CLCN7: variants seen among roughly 807,000 people sequenced by gnomAD.
The protein encoded by CLCN7 is H(+)/Cl(-) exchange transporter 7.
CLCN7 carries 60 observed loss-of-function variants against 102.1 expected under a neutral mutation model. That is an observed-to-expected ratio of 0.59 (90% CI 0.48 to 0.73). The LOEUF is 0.73. Ranked by LOEUF, CLCN7 falls within the 30% of genes least tolerant of loss-of-function variation. The pLI is 0.00. For missense variants in CLCN7, 962 were observed against 1,125.7 expected, an observed-to-expected ratio of 0.85 and a Z score of 2.08; for synonymous variants, 560 against 490.5, an observed-to-expected ratio of 1.14 and a Z score of -1.87.
chr16:1,447,242 C>A, intron 23 of CLCN7, 150 bp downstream of exon 23: 1 of 1,160,022 alleles, frequency 8.6e-7, no homozygotes, highest in East Asian at 2.6e-5. Flanking sequence ...TTGACTTCAG[C>A]TCTAAAGCCT....
At chr16:1,453,495 G>A (rs1204468043) in intron 14 of CLCN7, among the ~76,000 whole-genome samples, 2 of 152,240 alleles carry the variant, frequency 1.3e-5, no homozygotes, top group Non-Finnish European at 2.9e-5. Flanking sequence ...GGGGGCCCCG[G>A]TGTCCCAGGA....
Position 1,447,037 on chromosome 16 carries a change from C to T in CLCN7, c.2300G>A (p.Arg767Gln), listed in dbSNP as rs772579858. ...GCGGTTGTCCACCACCACCAGGTGC[C>T]GCAGGCCCAGGGCCCGGAACAGCTT... ...VFKLFRALGL[R>Q]HLVVVDNRNQ... Residue 767 changes from arginine to glutamine, a missense_variant, in exon 24 of 25, where the codon CGG becomes CAG. Arg to Gln is a conservative substitution (Grantham distance 43, BLOSUM62 1). This residue lies in a region of CLCN7 where 799 missense variants were observed against 988.0 expected (regional missense o/e 0.81). Coordinates refer to ENST00000382745, the MANE Select transcript of CLCN7 (RefSeq NM_001287.6). 7 of 1,602,092 alleles carry T rather than the reference C, an allele frequency of 4.4e-6. No individual in the cohort carries two copies. The highest frequency in any genetic ancestry group is 5.1e-6 in the Non-Finnish European group (6 of 1,177,872).
intron 7 of CLCN7, among the ~76,000 whole-genome samples, chr16:1,458,244 G>C (rs986701233): frequency 6.6e-6 from 1 of 152,326 alleles, no homozygotes; most frequent in South Asian, 2.1e-4. Flanking sequence ...AGGTGTGTAA[G>C]GTGTTTATCA....
At chr16:1,455,513 C>A in intron 11 of CLCN7, 1 of 666,320 alleles carries the variant, frequency 1.5e-6, no homozygotes. Flanking sequence ...GATCCCCTAC[C>A]CGGGAGCCAC....
At position 1,447,439 on chromosome 16, in the gene CLCN7, T is replaced by C. The variant is rs1197871022; in HGVS notation, c.2203A>G (p.Met735Val). 1.3e-6 allele frequency: 2 copies of C among 1,552,016 alleles called. No individual in the cohort carries two copies. The highest frequency in any genetic ancestry group is 1.7e-6 in the Non-Finnish European group (2 of 1,147,954). Residue 735 changes from methionine to valine, a missense_variant, in exon 23 of 25, where the codon ATG becomes GTG. Met to Val is a conservative substitution (Grantham distance 21). Around this residue, in one of 2 missense-constraint regions of CLCN7, gnomAD observed 799 missense variants for 988.0 expected, o/e 0.81. Transcript: ENST00000382745. ...GGGTTCATGAACTCGGAGAGGTCCA[T>C]GGTGCACTCCCGCTCGTCCTGGGAC... ...HVSQDERECT[M>V]DLSEFMNPSP...
chr16:1,456,133 G>A lies in CLCN7; in HGVS notation c.896C>T (p.Ala299Val), dbSNP rs977932714. 4 of 1,560,792 alleles carry A rather than the reference G, an allele frequency of 2.6e-6. No individual in the cohort carries two copies. The highest frequency in any genetic ancestry group is 1.9e-5 in the Admixed American group (1 of 53,056). ...VSAGAAAGVS[A>V]AFGAPVGGVL... The stretch of plus-strand genomic sequence containing the variant: ...CTCACCCACGGGGGCTCCAAACGCC[G>A]CTGACACTCCGGCCGCAGCCCCTGC... The change falls in exon 10 of 25, where the codon GCG becomes GTG. Residue 299 changes from alanine to valine, a missense_variant. Physicochemically the swap from Ala to Val is moderately conservative, Grantham distance 64. Around this residue, in one of 2 missense-constraint regions of CLCN7, gnomAD observed 799 missense variants for 988.0 expected, o/e 0.81. Transcript: ENST00000382745.
chr16:1,447,586 C>A lies in CLCN7; in HGVS notation c.2074-18G>T. 6.4e-7 allele frequency: 1 copy of A among 1,553,038 alleles called. No individual in the cohort carries two copies. The highest frequency in any genetic ancestry group is 2.4e-5 in the East Asian group (1 of 41,116). Reference sequence around the variant, plus strand: ...ACAAACACCTGCGGGCGGCAGAGCCCTGTGTCAGGCACCCAGGCAGCACCC... The same window carrying A: ...ACAAACACCTGCGGGCGGCAGAGCCATGTGTCAGGCACCCAGGCAGCACCC... On this transcript the variant is annotated intron_variant, in intron 22 of 24. Coordinates refer to ENST00000382745, the MANE Select transcript of CLCN7 (RefSeq NM_001287.6).
intron 17 of CLCN7, chr16:1,449,936 G>A (rs1355078671): frequency 2.3e-5 from 4 of 177,332 alleles, no homozygotes; most frequent in Non-Finnish European, 4.8e-5. Context: ...TGGGGAGCAG[G>A]AGTGGGCGCT....
chr16:1,446,862 G>A, intron 24 of CLCN7, 144 bp downstream of exon 24: 2 of 1,103,098 alleles, frequency 1.8e-6, no homozygotes, highest in Non-Finnish European at 2.7e-6. Flanking sequence ...CGGGGCTGGG[G>A]AGGGGTGCAG....
chr16:1,471,255 G>A (rs1022159877), intron 1 of CLCN7, among the ~76,000 whole-genome samples: 1 of 152,128 alleles, frequency 6.6e-6, no homozygotes, highest in Non-Finnish European at 1.5e-5. Context: ...CCCACGCTGA[G>A]GTGGCAACGA....
At position 1,457,020 on chromosome 16, in the gene CLCN7, G is replaced by A. The variant is rs979318768; in HGVS notation, c.822+234C>T. On this transcript the variant is annotated intron_variant, in intron 9 of 24. Transcript: ENST00000382745. This position sits in a 1 kb window ranked among gnomAD's most constrained non-coding sequence, Gnocchi z 5.4. ...CGCTTGGAGCCACAGACCCTCCCAC[G>A]GGAAACACTGATGCACGTGTGGCAG... 3.3e-5 allele frequency among the ~76,000 whole-genome samples: 5 copies of A among 152,120 alleles called. No individual in the cohort carries two copies. Among genetic ancestry groups the A allele is most frequent in the African/African-American group, 1.2e-4 (5 of 41,438 alleles).
chr16:1,450,467 C>T (rs1366316039), intron 17 of CLCN7, 30 bp downstream of exon 17: 3 of 1,568,448 alleles, frequency 1.9e-6, no homozygotes, highest in Non-Finnish European at 2.6e-6. Context: ...AGCTGCAGGG[C>T]CCCACAGCCT....
At chr16:1,455,651 G>A (rs1199585782) in intron 11 of CLCN7, 80 bp downstream of exon 11, 1 of 1,444,288 alleles carries the variant, frequency 6.9e-7, no homozygotes, top group East Asian at 2.3e-5. Flanking sequence ...TCGATGGGTG[G>A]CCCCAAGGTG....
At chr16:1,449,465 A>G (rs1872903466) in intron 17 of CLCN7, 138 bp from the exon 18 acceptor site, 3 of 756,588 alleles carry the variant, frequency 4.0e-6, no homozygotes, top group Admixed American at 4.1e-5. Context: ...ACATACACAC[A>G]GAACAACCTA....
chr16:1,463,983 C>G (rs1223073106), intron 2 of CLCN7, among the ~76,000 whole-genome samples: 1 of 152,158 alleles, frequency 6.6e-6, no homozygotes, highest in Non-Finnish European at 1.5e-5. Flanking sequence ...CCATGTTGAT[C>G]AGGCTGATCT....
At chr16:1,466,448 C>T (rs893257881) in intron 1 of CLCN7, among the ~76,000 whole-genome samples, 1 of 152,246 alleles carries the variant, frequency 6.6e-6, no homozygotes, top group African/African-American at 2.4e-5. Flanking sequence ...CGTGCAGGAA[C>T]GGCCTGCACT....
intron 17 of CLCN7, chr16:1,449,713 G>A (rs372354889): frequency 6.0e-5 from 21 of 347,156 alleles, no homozygotes; most frequent in Non-Finnish European, 6.5e-5. Context: ...TGCAGAAAGC[G>A]GGGCACGAGG....
chr16:1,467,223 G>A (rs1039879380), intron 1 of CLCN7, among the ~76,000 whole-genome samples: 2 of 152,208 alleles, frequency 1.3e-5, no homozygotes, highest in Admixed American at 6.5e-5. Flanking sequence ...ACTCGCAGGT[G>A]TCTGCCGTGG....
Position 1,452,845 on chromosome 16 carries a change from G to A in CLCN7, c.1263C>T (p.Ala421=), listed in dbSNP as rs776934926. Residue 421 remains alanine (A), a synonymous_variant, in exon 15 of 25, where the codon GCC becomes GCT. Transcript: ENST00000382745. ...CGAAGGCAACTGTGGCCGTGACGGC[G>A]GCCACCAGCACGGCCTCAATCACCT... ...CLQVIEAVLV[A]AVTATVAFVL... The A allele has an allele frequency of 1.7e-5, 27 of 1,586,406 alleles. No homozygotes were observed. In the East Asian group the frequency reaches 4.2e-4, roughly 25 times the overall value.
Sources: allele counts gnomAD v4.1 joint callset (sites outside exome capture counted in the v4.1 genomes callset), GRCh38; gene constraint gnomAD v4.1.1; regional missense constraint gnomAD v4.1.1; non-coding constraint Gnocchi (gnomAD v3.1); transcripts MANE v1.5; gene names NCBI Gene and HGNC (gene_info 2026-07-23, HGNC 2026-07-21).